Variants in ZNF385D observed in about 807,000 individuals in gnomAD.
The protein encoded by ZNF385D is zinc finger protein 659.
A neutral mutation model predicts 35.8 loss-of-function variants in ZNF385D; 15 were observed. The ratio of observed to expected loss-of-function variants is 0.42; its 90% CI spans 0.28 to 0.64. ZNF385D has a LOEUF of 0.64. ZNF385D is among the 30% of genes least tolerant of loss of function. The pLI, the probability that ZNF385D is intolerant of heterozygous loss-of-function variation, is 0.23. For synonymous variants in ZNF385D, 212 were observed against 186.8 expected (o/e 1.13, Z -1.10); for missense variants, 474 against 494.6 (o/e 0.96, Z 0.39).
At chr3:21,928,119 G>A (rs758689103) in intron 3 of ZNF385D, among the ~76,000 whole-genome samples, 20 of 152,048 alleles carry the variant, frequency 1.3e-4, no homozygotes, top group Admixed American at 2.0e-4. Flanking sequence ...AGCTAGTGGG[G>A]AAGCTAAGAT....
At chr3:21,932,280 A>G (rs1701051959) in intron 3 of ZNF385D, among the ~76,000 whole-genome samples, 1 of 151,652 alleles carries the variant, frequency 6.6e-6, no homozygotes. Context: ...TTTACAACAA[A>G]TATCATATTT....
At chr3:22,064,334 G>T (rs1251723546) in intron 3 of ZNF385D, among the ~76,000 whole-genome samples, 1 of 152,172 alleles carries the variant, frequency 6.6e-6, no homozygotes, top group African/African-American at 2.4e-5. Flanking sequence ...AGATTTTTGT[G>T]ATAATTTGCA....
At chr3:22,307,630 G>A (rs932237934) in intron 2 of ZNF385D, among the ~76,000 whole-genome samples, 1 of 151,868 alleles carries the variant, frequency 6.6e-6, no homozygotes, top group Non-Finnish European at 1.5e-5. Context: ...GCTACTCATA[G>A]ATTAGGAATA....
intron 2 of ZNF385D, among the ~76,000 whole-genome samples, chr3:22,233,477 C>A (rs886759128): frequency 1.3e-5 from 2 of 152,242 alleles, no homozygotes; most frequent in Middle Eastern, 3.4e-3. Context: ...ATGTAAATGT[C>A]TTGATTGTGG....
intron 3 of ZNF385D, chr3:21,511,640 T>A: frequency 4.4e-6 from 2 of 454,918 alleles, no homozygotes; most frequent in Non-Finnish European, 8.8e-6. Context: ...GTCTGAGAAG[T>A]TCAACTTAGT....
At chr3:21,737,142 G>T (rs965929699) in intron 1 of ZNF385D, among the ~76,000 whole-genome samples, 13 of 152,050 alleles carry the variant, frequency 8.5e-5, no homozygotes, top group Admixed American at 2.0e-4. Context: ...GTTTCACCAT[G>T]TTGGCCAGGC....
chr3:22,137,795 A>G (rs28794532), intron 3 of ZNF385D, among the ~76,000 whole-genome samples: 3,266 of 152,100 alleles, frequency 0.021, 119 homozygotes, highest in African/African-American at 0.075. Context: ...CTCCTATTCA[A>G]TATAGTGTTG....
intron 4 of ZNF385D, among the ~76,000 whole-genome samples, chr3:21,471,082 T>C (rs1362783641): frequency 6.6e-6 from 1 of 152,160 alleles, no homozygotes; most frequent in Non-Finnish European, 1.5e-5. Context: ...AGTCTCTCAA[T>C]TTACATATGA....
At chr3:22,162,690 C>T (rs1706041671) in intron 3 of ZNF385D, among the ~76,000 whole-genome samples, 1 of 152,194 alleles carries the variant, frequency 6.6e-6, no homozygotes. Context: ...TAAACTTCAA[C>T]CATTTGGCCT....
intron 3 of ZNF385D, among the ~76,000 whole-genome samples, chr3:21,794,861 A>G (rs1009612711): frequency 2.6e-5 from 4 of 152,274 alleles, no homozygotes; most frequent in East Asian, 1.9e-4. Flanking sequence ...TACCTCTCTG[A>G]GCTTCATCTG....
chr3:21,948,955 G>A (rs574876091), intron 3 of ZNF385D, among the ~76,000 whole-genome samples: 2 of 152,126 alleles, frequency 1.3e-5, no homozygotes, highest in African/African-American at 4.8e-5. Context: ...TTGCCCTCCA[G>A]GAATGGTCTA....
At chr3:21,964,115 T>C (rs1381982711) in intron 3 of ZNF385D, among the ~76,000 whole-genome samples, 1 of 151,992 alleles carries the variant, frequency 6.6e-6, no homozygotes, top group Non-Finnish European at 1.5e-5. Context: ...TTCAATCTAA[T>C]ACAACTGGCC....
intron 2 of ZNF385D, among the ~76,000 whole-genome samples, chr3:21,591,617 C>G (rs1380574318): frequency 1.3e-5 from 2 of 152,092 alleles, no homozygotes; most frequent in African/African-American, 4.8e-5. Context: ...AGAGGAAACC[C>G]ACATGCAATA....
At chr3:21,877,882 G>A (rs1056756026) in intron 3 of ZNF385D, 3 of 151,986 alleles carry the variant, frequency 2.0e-5, no homozygotes, top group Non-Finnish European at 4.4e-5. Context: ...AGTTACAGAT[G>A]AACTTCTTCA....
chr3:22,363,314 C>T (rs1420100294), intron 2 of ZNF385D, among the ~76,000 whole-genome samples: 1 of 152,130 alleles, frequency 6.6e-6, no homozygotes, highest in Non-Finnish European at 1.5e-5. Context: ...AATACGTGAG[C>T]TCAAGCTCAC....
chr3:22,283,318 C>A (rs987641330), intron 2 of ZNF385D, among the ~76,000 whole-genome samples: 1 of 152,040 alleles, frequency 6.6e-6, no homozygotes, highest in Non-Finnish European at 1.5e-5. Context: ...AAACTAAACC[C>A]TAGAACAAAT....
chr3:22,332,006 A>T (rs1396672216), intron 2 of ZNF385D, among the ~76,000 whole-genome samples: 4 of 152,182 alleles, frequency 2.6e-5, no homozygotes, highest in Admixed American at 2.6e-4. Context: ...GTAATATAGA[A>T]GAATAGTATA....
intron 2 of ZNF385D, among the ~76,000 whole-genome samples, chr3:22,289,223 T>C (rs2220673): frequency 0.015 from 2,331 of 152,248 alleles, 50 homozygotes; most frequent in African/African-American, 0.053. Flanking sequence ...TCTGAATGTG[T>C]CCACCTCTTT....
chr3:21,720,929 G>A (rs555012216), intron 1 of ZNF385D, among the ~76,000 whole-genome samples: 25 of 152,264 alleles, frequency 1.6e-4, no homozygotes, highest in Middle Eastern at 3.4e-3. Flanking sequence ...CCTTTTTCCT[G>A]TAAGATTAAC....
Sources: gnomAD v4.1 joint callset for allele counts (sites outside exome capture counted in the v4.1 genomes callset) on GRCh38, gnomAD v4.1.1 for gene constraint, MANE v1.5 for transcripts, NCBI Gene and HGNC (gene_info 2026-07-23, HGNC 2026-07-21) for gene names.